KLHL13: variants seen among roughly 807,000 people sequenced by gnomAD.
The protein encoded by KLHL13 is kelch-like protein 13.
Under a neutral mutation model 37.1 loss-of-function variants are expected in KLHL13, and 10 were observed. That is an observed-to-expected ratio of 0.27 (90% CI 0.17 to 0.46). KLHL13 has a LOEUF of 0.46. Among genes scored for constraint, KLHL13 ranks in the 20% least tolerant of loss-of-function variants. KLHL13 has a pLI of 1.00. For missense variants in KLHL13, 360 were observed against 509.3 expected, an observed-to-expected ratio of 0.71 and a Z score of 2.82; for synonymous variants, 163 against 181.2, an observed-to-expected ratio of 0.90 and a Z score of 0.81.
chrX:117,935,920 G>T (rs1375992788), intron 2 of KLHL13, among the ~76,000 whole-genome samples: 1 of 111,617 alleles, frequency 9.0e-6, no homozygotes, highest in Non-Finnish European at 1.9e-5. Context: ...ATTGATTGTG[G>T]TGACAGTTGC....
intron 1 of KLHL13, among the ~76,000 whole-genome samples, chrX:118,001,269 T>G (rs762946859): frequency 8.9e-6 from 1 of 111,769 alleles, no homozygotes; most frequent in Admixed American, 9.5e-5. Context: ...CTTTTCGTAG[T>G]CTGGGGCAGG....
At chrX:118,039,711 G>C (rs2054487747) in intron 1 of KLHL13, among the ~76,000 whole-genome samples, 1 of 111,637 alleles carries the variant, frequency 9.0e-6, no homozygotes. Context: ...ACCACATGCT[G>C]ATTGTAGAGC....
intron 1 of KLHL13, among the ~76,000 whole-genome samples, chrX:117,963,504 T>C (rs2053342407): frequency 9.0e-6 from 1 of 110,642 alleles, no homozygotes; most frequent in Non-Finnish European, 1.9e-5. Flanking sequence ...TCTTTGCTAT[T>C]GTGAATAGTG....
intron 2 of KLHL13, among the ~76,000 whole-genome samples, chrX:117,923,698 G>A (rs145649556): frequency 3.6e-5 from 4 of 109,944 alleles, no homozygotes; most frequent in South Asian, 3.9e-4. Context: ...ATCATGTATC[G>A]TCAGCTGTGT....
chrX:117,977,370 T>C (rs1237648614), upstream of KLHL13, among the ~76,000 whole-genome samples: 4 of 111,928 alleles, frequency 3.6e-5, no homozygotes, highest in African/African-American at 1.3e-4. Flanking sequence ...TGATTTTTTT[T>C]CTCAATGCAT....
chrX:118,100,969 T>C (rs6603364), intron 1 of KLHL13, among the ~76,000 whole-genome samples: 15,543 of 110,767 alleles, frequency 0.14, 1,393 homozygotes, highest in African/African-American at 0.33. Context: ...TATCATCTGT[T>C]TAACGATATT....
At chrX:117,940,827 C>G (rs1932987179) in intron 2 of KLHL13, among the ~76,000 whole-genome samples, 1 of 111,906 alleles carries the variant, frequency 8.9e-6, no homozygotes, top group Non-Finnish European at 1.9e-5. Context: ...TGCTTATCAG[C>G]TTAAGGAGAT....
intron 1 of KLHL13, among the ~76,000 whole-genome samples, chrX:118,046,528 A>T (rs1384986841): frequency 8.9e-6 from 1 of 111,976 alleles, no homozygotes; most frequent in Non-Finnish European, 1.9e-5. Context: ...TACATTTTAA[A>T]ATAACTTAAA....
chrX:117,973,374 A>G lies in KLHL13; in HGVS notation c.-546T>C, dbSNP rs996352442. ...TTTGAGCTGCAACAATACAAATGGG[A>G]TATAAACCTCAGCATAGCCTTAGGC... is the stretch of plus-strand genomic sequence containing the variant. On this transcript the variant is annotated 5_prime_UTR_variant, in exon 1 of 7. Coordinates refer to ENST00000262820, the Ensembl canonical transcript of KLHL13. 4 of 970,781 alleles carry G rather than the reference A, an allele frequency of 4.1e-6. No individual in the cohort carries two copies. In the African/African-American group the frequency reaches 8.0e-5, roughly 19 times the overall value. The allele number at this position is 970,781 out of a possible 1,213,427, so 80.0% of individuals were successfully genotyped here. A position where few individuals can be genotyped will look rare whatever the true frequency, so the allele number is the denominator to read the frequency against.
chrX:117,958,311 AATT>A (rs1420541228), intron 1 of KLHL13, among the ~76,000 whole-genome samples: 1 of 111,134 alleles, frequency 9.0e-6, no homozygotes, highest in African/African-American at 3.3e-5. Flanking sequence ...TAAATAGAAC[AATT>A]ATAACAATAT....
intron 1 of KLHL13, among the ~76,000 whole-genome samples, chrX:118,107,664 G>A (rs1481662718): frequency 8.9e-6 from 1 of 112,025 alleles, no homozygotes; most frequent in Admixed American, 9.5e-5. Flanking sequence ...GAGAGGTGAA[G>A]CAAGTTGCCC....
intron 2 of KLHL13, among the ~76,000 whole-genome samples, chrX:117,928,883 A>G (rs765984674): frequency 4.4e-4 from 49 of 112,076 alleles, no homozygotes; most frequent in South Asian, 3.7e-4. Flanking sequence ...AGAAAAAGCA[A>G]TAAGACCAAA....
chrX:118,069,414 A>G (rs2054831315), intron 1 of KLHL13, among the ~76,000 whole-genome samples: 1 of 59,771 alleles, frequency 1.7e-5, no homozygotes. Flanking sequence ...AAAAAAGTTT[A>G]AAATGTAAAA....
intron 1 of KLHL13, among the ~76,000 whole-genome samples, chrX:118,039,884 G>T (rs1170629592): frequency 2.7e-5 from 3 of 111,282 alleles, no homozygotes; most frequent in Non-Finnish European, 3.8e-5. Context: ...AAACAACTCA[G>T]AAAAGAGAGA....
chrX:117,985,212 T>C, intron 1 of KLHL13: 1 of 1,061,101 alleles, frequency 9.4e-7, no homozygotes, highest in Non-Finnish European at 1.3e-6. Context: ...GTAACAGCAG[T>C]AAATAAAGGA....
intron 1 of KLHL13, chrX:117,985,447 TAAAAAA>T: frequency 3.3e-6 from 2 of 611,817 alleles, no homozygotes; most frequent in Non-Finnish European, 4.1e-6. Flanking sequence ...TTTATATATT[TAAAAAA>T]AAAAAAAAAA....
At chrX:118,055,488 C>T (rs1384411201) in intron 1 of KLHL13, among the ~76,000 whole-genome samples, 1 of 112,244 alleles carries the variant, frequency 8.9e-6, no homozygotes, top group East Asian at 2.8e-4. Flanking sequence ...GCAAAACAAT[C>T]TGAATTCAGA....
chrX:118,057,688 T>C (rs1211996605), intron 1 of KLHL13, among the ~76,000 whole-genome samples: 1 of 110,237 alleles, frequency 9.1e-6, no homozygotes, highest in Non-Finnish European at 1.9e-5. Context: ...TAGTCGGGTG[T>C]GGTGGCGGAC....
At chrX:118,029,800 C>T (rs2054316144) in intron 1 of KLHL13, among the ~76,000 whole-genome samples, 1 of 110,037 alleles carries the variant, frequency 9.1e-6, no homozygotes, top group African/African-American at 3.3e-5. Context: ...AACACCCCGT[C>T]TCTATAAAAA....
Sources: allele counts gnomAD v4.1 joint callset (sites outside exome capture counted in the v4.1 genomes callset), GRCh38; gene constraint gnomAD v4.1.1; transcripts MANE v1.5; gene names NCBI Gene and HGNC (gene_info 2026-07-23, HGNC 2026-07-21).